The following CHCHD6 variants were observed in gnomAD, a reference collection of about 807,000 sequenced individuals.
CHCHD6 encodes coiled-coil-helix-coiled-coil-helix domain containing 6.
A neutral mutation model predicts 32.3 loss-of-function variants in CHCHD6; 28 were observed. The observed-to-expected ratio is 0.87, with a 90% confidence interval of 0.64 to 1.19. The LOEUF (loss-of-function observed/expected upper bound fraction) is 1.19, where lower values mean the gene tolerates loss of function less well. Ranked by LOEUF, CHCHD6 falls within the 50% of genes most tolerant of loss-of-function variation. CHCHD6 has a pLI of 0.00. For synonymous variants in CHCHD6, 122 were observed against 117.5 expected (o/e 1.04, Z -0.25); for missense variants, 333 against 307.0 (o/e 1.08, Z -0.63).
chr3:126,743,890 G>C (rs1357174572), intron 4 of CHCHD6, among the ~76,000 whole-genome samples: 1 of 152,202 alleles, frequency 6.6e-6, no homozygotes, highest in African/African-American at 2.4e-5. Context: ...TAATACTGTA[G>C]GGAAACCTGA....
At chr3:126,822,624 G>T (rs144704539) in intron 4 of CHCHD6, among the ~76,000 whole-genome samples, 2,741 of 152,330 alleles carry the variant, frequency 0.018, 30 homozygotes, top group Middle Eastern at 0.051. Context: ...CTGAGATTTT[G>T]ATAGGAAATG....
At chr3:126,799,608 C>G (rs1275166694) in intron 4 of CHCHD6, among the ~76,000 whole-genome samples, 1 of 152,168 alleles carries the variant, frequency 6.6e-6, no homozygotes, top group African/African-American at 2.4e-5. Context: ...ATTCTCAGAG[C>G]TCGCATCGCC....
intron 5 of CHCHD6, among the ~76,000 whole-genome samples, chr3:126,884,562 G>T (rs1056249432): frequency 6.6e-6 from 1 of 152,104 alleles, no homozygotes; most frequent in South Asian, 2.1e-4. Flanking sequence ...AACAAAAGCA[G>T]GTGTGTTGTT....
At chr3:126,880,641 C>G (rs74348940) in intron 5 of CHCHD6, among the ~76,000 whole-genome samples, 1 of 152,314 alleles carries the variant, frequency 6.6e-6, no homozygotes, top group East Asian at 1.9e-4. Flanking sequence ...CTCACACTAT[C>G]TGGGGGACAA....
chr3:126,801,592 A>G (rs939550322), intron 4 of CHCHD6, among the ~76,000 whole-genome samples: 2 of 152,248 alleles, frequency 1.3e-5, no homozygotes, highest in Non-Finnish European at 2.9e-5. Flanking sequence ...CCAGAGCTCA[A>G]GGAGGCCTTG....
intron 1 of CHCHD6, among the ~76,000 whole-genome samples, chr3:126,718,485 C>CACCCCAT (rs1334759262): frequency 6.6e-6 from 1 of 152,202 alleles, no homozygotes; most frequent in Admixed American, 6.5e-5. Flanking sequence ...GGTCACACAG[C>CACCCCAT]TGGTATGCAG....
At chr3:126,805,617 C>G (rs1415631294) in intron 4 of CHCHD6, among the ~76,000 whole-genome samples, 1 of 152,096 alleles carries the variant, frequency 6.6e-6, no homozygotes, top group Non-Finnish European at 1.5e-5. Flanking sequence ...GTGAAAATGG[C>G]CATACTGCCC....
At chr3:126,746,010 G>A (rs79439600) in intron 4 of CHCHD6, among the ~76,000 whole-genome samples, 65 of 152,334 alleles carry the variant, frequency 4.3e-4, no homozygotes, top group African/African-American at 1.4e-3. Flanking sequence ...AAATCTTGGC[G>A]AGGCTTCTCT....
At chr3:126,793,032 C>A (rs915324117) in intron 4 of CHCHD6, among the ~76,000 whole-genome samples, 2 of 152,090 alleles carry the variant, frequency 1.3e-5, no homozygotes, top group African/African-American at 4.8e-5. Context: ...TTAAAATCTT[C>A]TTTGTCTGGT....
intron 6 of CHCHD6, among the ~76,000 whole-genome samples, chr3:126,943,313 G>A (rs116207116): frequency 0.018 from 2,708 of 152,276 alleles, 30 homozygotes; most frequent in Middle Eastern, 0.027. Flanking sequence ...AAGTCCTTTC[G>A]TGACTTCAGG....
At chr3:126,881,760 G>C (rs1159908479) in intron 5 of CHCHD6, among the ~76,000 whole-genome samples, 2 of 152,182 alleles carry the variant, frequency 1.3e-5, no homozygotes, top group African/African-American at 2.4e-5. Context: ...GATTAAAATA[G>C]TTCTTTGATT....
At chr3:126,704,781 G>T (rs1179379191) in intron 1 of CHCHD6, among the ~76,000 whole-genome samples, 1 of 152,158 alleles carries the variant, frequency 6.6e-6, no homozygotes, top group Non-Finnish European at 1.5e-5. Flanking sequence ...CTCCCACCTG[G>T]GCTTTGCCTG....
intron 4 of CHCHD6, among the ~76,000 whole-genome samples, chr3:126,797,899 C>T (rs1938869097): frequency 1.3e-5 from 2 of 152,176 alleles, no homozygotes; most frequent in South Asian, 4.1e-4. Context: ...TAACAGGGCG[C>T]CTCCGTGCCA....
chr3:126,812,527 A>T (rs1017522277), intron 4 of CHCHD6, among the ~76,000 whole-genome samples: 1 of 151,336 alleles, frequency 6.6e-6, no homozygotes, highest in African/African-American at 2.4e-5. Context: ...GGGTTCAAGC[A>T]ATTCTCCTGC....
At chr3:126,945,651 G>A in intron 6 of CHCHD6, among the ~76,000 whole-genome samples, 1 of 142,484 alleles carries the variant, frequency 7.0e-6, no homozygotes, top group Non-Finnish European at 1.5e-5. Flanking sequence ...GGGAGACTCA[G>A]GGAGACTCAA....
chr3:126,761,510 C>T (rs1937161757), intron 4 of CHCHD6, among the ~76,000 whole-genome samples: 1 of 152,208 alleles, frequency 6.6e-6, no homozygotes, highest in Non-Finnish European at 1.5e-5. Flanking sequence ...ACTCCAGCCT[C>T]CAATGGCTGG....
intron 1 of CHCHD6, among the ~76,000 whole-genome samples, chr3:126,722,209 G>A (rs1482878925): frequency 3.3e-5 from 5 of 152,210 alleles, no homozygotes; most frequent in Admixed American, 3.3e-4. Context: ...AGGCTGGAGT[G>A]CAGTGGCACA....
At chr3:126,934,945 T>A (rs778600394) in intron 6 of CHCHD6, among the ~76,000 whole-genome samples, 1 of 152,186 alleles carries the variant, frequency 6.6e-6, no homozygotes, top group Non-Finnish European at 1.5e-5. Flanking sequence ...GGATTAAACA[T>A]GGATTTTTAA....
chr3:126,726,984 T>G, intron 1 of CHCHD6, 94 bp from the exon 2 acceptor site: 1 of 834,630 alleles, frequency 1.2e-6, no homozygotes, highest in Non-Finnish European at 2.0e-6. Context: ...AAGCAGCGCA[T>G]TCAGTAAATC....
Sources: gnomAD v4.1 joint callset for allele counts (sites outside exome capture counted in the v4.1 genomes callset) on GRCh38, gnomAD v4.1.1 for gene constraint, MANE v1.5 for transcripts, NCBI Gene and HGNC (gene_info 2026-07-23, HGNC 2026-07-21) for gene names.